AGTPBP1: variants seen among roughly 807,000 people sequenced by gnomAD.
AGTPBP1 encodes ATP/GTP binding carboxypeptidase 1.
In AGTPBP1, 70 loss-of-function variants were observed where a neutral mutation model predicts 143.9. The ratio of observed to expected loss-of-function variants is 0.49; its 90% CI spans 0.40 to 0.59. The LOEUF is 0.59. AGTPBP1 is among the 20% of genes least tolerant of loss of function. AGTPBP1 has a pLI of 0.00. For synonymous variants in AGTPBP1, 463 were observed against 500.2 expected (o/e 0.93, Z 0.99); for missense variants, 1,229 against 1,464.5 (o/e 0.84, Z 2.62).
At chr9:85,771,752 C>T in the AGTPBP1 span, among the ~76,000 whole-genome samples, 1 of 150,778 alleles carries the variant, frequency 6.6e-6, no homozygotes, top group South Asian at 2.1e-4. Flanking sequence ...CCAAGGTTCA[C>T]GCCATTCTCC....
At chr9:85,608,591 G>A in intron 17 of AGTPBP1, among the ~76,000 whole-genome samples, 1 of 151,418 alleles carries the variant, frequency 6.6e-6, no homozygotes, top group Non-Finnish European at 1.5e-5. Context: ...TAATATATAT[G>A]ACAATATATT....
chr9:85,648,038 T>A (rs143322379), intron 11 of AGTPBP1, among the ~76,000 whole-genome samples: 31 of 152,094 alleles, frequency 2.0e-4, no homozygotes, highest in South Asian at 2.1e-4. Context: ...AAGAAAAAAA[T>A]TCCATGTTGT....
At chr9:85,730,333 T>C (rs1364378363) in intron 1 of AGTPBP1, among the ~76,000 whole-genome samples, 1 of 152,222 alleles carries the variant, frequency 6.6e-6, no homozygotes, top group Non-Finnish European at 1.5e-5. Context: ...TTGTGTCCTT[T>C]AAATATCTTT....
At chr9:85,599,659 G>A (rs1698329069) in intron 17 of AGTPBP1, among the ~76,000 whole-genome samples, 1 of 152,036 alleles carries the variant, frequency 6.6e-6, no homozygotes, top group African/African-American at 2.4e-5. Flanking sequence ...TACTCATTTT[G>A]TTCAGAAAGA....
At chr9:85,795,961 G>A in the AGTPBP1 span, among the ~76,000 whole-genome samples, 2 of 141,942 alleles carry the variant, frequency 1.4e-5, no homozygotes, top group Non-Finnish European at 1.5e-5. Context: ...GGAACGATAA[G>A]AGATGGTTGG....
At chr9:85,637,533 A>T (rs963144889) in intron 13 of AGTPBP1, among the ~76,000 whole-genome samples, 2 of 152,348 alleles carry the variant, frequency 1.3e-5, no homozygotes, top group South Asian at 2.1e-4. Context: ...TCAAAAACAT[A>T]TGCTCAGCAA....
chr9:85,645,243 G>GCT (rs1185761897), intron 12 of AGTPBP1, among the ~76,000 whole-genome samples: 6 of 152,132 alleles, frequency 3.9e-5, no homozygotes, highest in Non-Finnish European at 8.8e-5. Flanking sequence ...TGCTATAACT[G>GCT]CTCTGTTAAG....
chr9:85,639,605 GA>G (rs1832334473), intron 13 of AGTPBP1, among the ~76,000 whole-genome samples: 3 of 152,120 alleles, frequency 2.0e-5, no homozygotes, highest in Admixed American at 2.0e-4. Context: ...AAAACTATTT[GA>G]CACTTTAAAC....
chr9:85,682,367 G>GA (rs1156905369), intron 3 of AGTPBP1, among the ~76,000 whole-genome samples: 4 of 151,498 alleles, frequency 2.6e-5, no homozygotes, highest in East Asian at 3.9e-4. Flanking sequence ...ACCCTCTGGG[G>GA]AAAAAAAACT....
chr9:85,750,227 T>C, the AGTPBP1 span, among the ~76,000 whole-genome samples: 1 of 152,122 alleles, frequency 6.6e-6, no homozygotes, highest in African/African-American at 2.4e-5. Context: ...AAGTATAAGG[T>C]CTCTTTATTT....
At chr9:85,618,345 T>A (rs758147238) in intron 17 of AGTPBP1, among the ~76,000 whole-genome samples, 9 of 152,088 alleles carry the variant, frequency 5.9e-5, no homozygotes, top group Non-Finnish European at 1.2e-4. Flanking sequence ...TTAACACCAA[T>A]GCTACACAAG....
chr9:85,674,502 T>G (rs559332075), intron 6 of AGTPBP1, among the ~76,000 whole-genome samples: 62 of 151,536 alleles, frequency 4.1e-4, no homozygotes, highest in Admixed American at 1.4e-3. Flanking sequence ...AAATAAGGGG[T>G]TTTTTTTAAA....
At chr9:85,681,573 T>C (rs78880829) in intron 3 of AGTPBP1, among the ~76,000 whole-genome samples, 1,610 of 152,190 alleles carry the variant, frequency 0.011, 28 homozygotes, top group African/African-American at 0.037. Flanking sequence ...ATTAGGTGAT[T>C]CCTATTCATC....
At chr9:85,574,828 C>G (rs1462091601) in intron 25 of AGTPBP1, among the ~76,000 whole-genome samples, 2 of 152,062 alleles carry the variant, frequency 1.3e-5, no homozygotes, top group Non-Finnish European at 2.9e-5. Context: ...CCTGCCTCAG[C>G]CTCCCAAGTA....
intron 1 of AGTPBP1, among the ~76,000 whole-genome samples, chr9:85,717,779 T>C (rs1482772753): frequency 1.3e-5 from 2 of 151,594 alleles, no homozygotes; most frequent in Admixed American, 6.6e-5. Flanking sequence ...GCCACACCCA[T>C]CAACTCGTCA....
At chr9:85,729,455 C>G (rs142821853) in intron 1 of AGTPBP1, among the ~76,000 whole-genome samples, 113 of 152,296 alleles carry the variant, frequency 7.4e-4, no homozygotes, top group African/African-American at 2.6e-3. Context: ...AGTTGCTCAG[C>G]ACTGGTCTTG....
At chr9:85,634,570 G>A (rs1251215061) in intron 13 of AGTPBP1, among the ~76,000 whole-genome samples, 3 of 152,174 alleles carry the variant, frequency 2.0e-5, no homozygotes, top group Admixed American at 6.5e-5. Flanking sequence ...GGGATGCCAT[G>A]ACACGAGTTA....
chr9:85,630,274 A>G (rs1190622627), intron 14 of AGTPBP1, among the ~76,000 whole-genome samples: 2 of 152,200 alleles, frequency 1.3e-5, no homozygotes, highest in East Asian at 1.9e-4. Flanking sequence ...TTGGAAGAAA[A>G]ACAGTGGGAC....
intron 3 of AGTPBP1, among the ~76,000 whole-genome samples, chr9:85,686,971 A>T (rs935923460): frequency 3.9e-5 from 6 of 152,204 alleles, no homozygotes; most frequent in Non-Finnish European, 8.8e-5. Flanking sequence ...AAGATCCAAC[A>T]ATATGTTATC....
Sources: gnomAD v4.1 joint callset for allele counts (sites outside exome capture counted in the v4.1 genomes callset) on GRCh38, gnomAD v4.1.1 for gene constraint, MANE v1.5 for transcripts, NCBI Gene and HGNC (gene_info 2026-07-23, HGNC 2026-07-21) for gene names.